Variants in MTIF2 observed in about 807,000 individuals in gnomAD.
The protein encoded by MTIF2 is mitochondrial translational initiation factor 2.
In MTIF2, 71 loss-of-function variants were observed where a neutral mutation model predicts 83.5. That is an observed-to-expected ratio of 0.85 (90% confidence interval 0.70 to 1.04). MTIF2 has a LOEUF of 1.04. Among genes scored for constraint, MTIF2 ranks in the 50% least tolerant of loss-of-function variants. The pLI, the probability that MTIF2 is intolerant of heterozygous loss-of-function variation, is 0.00. For synonymous variants in MTIF2, 319 were observed against 287.1 expected (o/e 1.11, Z -1.12); for missense variants, 957 against 846.5 (o/e 1.13, Z -1.62).
At chr2:55,243,273 A>G (rs1676454226) in intron 12 of MTIF2, 143 bp downstream of exon 12, 1 of 1,073,694 alleles carries the variant, frequency 9.3e-7, no homozygotes, top group Admixed American at 2.9e-5. Context: ...TTTACAACAA[A>G]ATCAGCAAGA....
chr2:55,249,386 C>A lies in MTIF2; in HGVS notation c.981+9G>T, dbSNP rs757486665. 1 of 1,613,338 alleles carries A rather than the reference C, an allele frequency of 6.2e-7. No homozygotes were observed. Among genetic ancestry groups the A allele is most frequent in the South Asian group, 1.1e-5 (1 of 90,964 alleles). On this transcript the variant is annotated intron_variant, in intron 9 of 15. Transcript: ENST00000263629. ...TCCAGGCATATTTATATGAGGTCCC[C>A]GCATTTACCGTAAGTGCGGAGACAG...
intron 5 of MTIF2, among the ~76,000 whole-genome samples, chr2:55,261,802 G>C (rs530696017): frequency 6.6e-6 from 1 of 151,798 alleles, no homozygotes; most frequent in African/African-American, 2.4e-5. Flanking sequence ...GCTGGGCATA[G>C]TGGCACATGC....
At chr2:55,262,000 A>G (rs547253256) in intron 5 of MTIF2, among the ~76,000 whole-genome samples, 20 of 152,008 alleles carry the variant, frequency 1.3e-4, no homozygotes, top group African/African-American at 3.8e-4. Context: ...GAGAAAGTAT[A>G]TAAGTATAGC....
intron 3 of MTIF2, among the ~76,000 whole-genome samples, chr2:55,265,175 C>T (rs1263268030): frequency 2.7e-5 from 4 of 147,954 alleles, no homozygotes; most frequent in Admixed American, 1.4e-4. Context: ...CCCGGGAGGT[C>T]GAGGTTGCAG....
In MTIF2 at chr2:55,244,752, T is replaced by TA. The variant is rs991157208; in HGVS notation, c.1107-520dup. On this transcript the variant is annotated intron_variant, in intron 10 of 15. Coordinates refer to ENST00000263629, the MANE Select transcript of MTIF2 (RefSeq NM_002453.3). ...CAACATAGCAGGACCCTATCTCAAT[T>TA]AAAAAAAAAATAGGCTAGGCACAGT... is the stretch of plus-strand genomic sequence containing the variant. 2.0e-3 allele frequency among the ~76,000 whole-genome samples: 303 copies of TA among 148,584 alleles called. 3 individuals carry two copies. Among genetic ancestry groups the TA allele is most frequent in the Non-Finnish European group, 4.3e-4 (29 of 66,772 alleles).
intron 15 of MTIF2, among the ~76,000 whole-genome samples, chr2:55,237,087 G>GGACTT (rs1332538876): frequency 6.6e-6 from 1 of 152,162 alleles, no homozygotes; most frequent in African/African-American, 2.4e-5. Flanking sequence ...ATGGTACTCA[G>GGACTT]GACTTGAATG....
Position 55,243,455 on chromosome 2 carries a change from T to C in MTIF2, c.1525A>G (p.Arg509Gly). ...EQIPLKPKEKRERDSNVLSVI... is the reference protein window; with the variant it reads ...EQIPLKPKEKGERDSNVLSVI... The stretch of plus-strand genomic sequence containing the variant: ...GAAAGTACATTTGAATCTCTTTCCC[T>C]TTTCTCTTTTGGCTTTAAGGGTATT... The change falls in exon 12 of 16, where the codon AGG (arginine) becomes GGG (glycine). Residue 509 changes from arginine to glycine, a missense_variant. Coordinates refer to ENST00000263629, the MANE Select transcript of MTIF2 (RefSeq NM_002453.3). 1 of 1,612,028 alleles carries C rather than the reference T, an allele frequency of 6.2e-7. No homozygotes were observed. The highest frequency in any genetic ancestry group is 8.5e-7 in the Non-Finnish European group (1 of 1,178,710).
At chr2:55,237,160 C>T in intron 15 of MTIF2, 128 bp downstream of exon 15, 1 of 1,098,970 alleles carries the variant, frequency 9.1e-7, no homozygotes, top group Non-Finnish European at 1.3e-6. Flanking sequence ...TTAGGGGTTT[C>T]AATAGCAATA....
At chr2:55,250,184 A>C (rs2104375438) in intron 8 of MTIF2, among the ~76,000 whole-genome samples, 1 of 152,274 alleles carries the variant, frequency 6.6e-6, no homozygotes, top group South Asian at 2.1e-4. Context: ...AAATCCCGGC[A>C]TACTCAAGTC....
chr2:55,246,421 A>G lies in MTIF2; in HGVS notation c.1022T>C (p.Leu341Pro). Reference protein sequence around the residue: ...LMALAEATVALAEMLELKADP... With the variant: ...LMALAEATVAPAEMLELKADP... ...TGCTTTCAATTCTAACATTTCTGCA[A>G]GAGCAACTGTTGCTTCTGCCAAAGC... Residue 341 changes from leucine (L) to proline (P), a missense_variant, in exon 10 of 16, where the codon CTT becomes CCT. Transcript: ENST00000263629. The G allele has an allele frequency of 6.2e-7, 1 of 1,613,774 alleles. No individual in the cohort carries two copies. The highest frequency in any genetic ancestry group is 8.5e-7 in the Non-Finnish European group (1 of 1,179,722).
At chr2:55,263,131 G>A (rs1436145588) in intron 4 of MTIF2, among the ~76,000 whole-genome samples, 1 of 152,182 alleles carries the variant, frequency 6.6e-6, no homozygotes, top group Non-Finnish European at 1.5e-5. Context: ...AAAGTGCTGG[G>A]ATTACAGGCG....
At chr2:55,237,159 T>TTATTG (rs1195444129) in intron 15 of MTIF2, 129 bp downstream of exon 15, 2 of 1,091,156 alleles carry the variant, frequency 1.8e-6, no homozygotes, top group African/African-American at 3.2e-5. Flanking sequence ...TTTAGGGGTT[T>TTATTG]CAATAGCAAT....
rs369058033 is a variant in MTIF2, at chr2:55,262,379, C to T, written c.268G>A (p.Val90Met). ...GTCATTCCAATCCATACTTCTACCA[C>T]CTTTTTAGATTTTGTTGAAGATAAC... ...SQLSSTKSKKVVEVWIGMTIE... is the reference protein window; with the variant it reads ...SQLSSTKSKKMVEVWIGMTIE... The change falls in exon 5 of 16, where the codon GTG becomes ATG. Residue 90 changes from valine to methionine, a missense_variant. By Grantham distance (21) the Val-to-Met change is conservative. This residue lies in a region of MTIF2 where 733 missense variants were observed against 648.7 expected (regional missense o/e 1.13). Transcript: ENST00000263629. 5 of 1,613,668 alleles carry T rather than the reference C, an allele frequency of 3.1e-6. No homozygotes were observed. Among genetic ancestry groups the T allele is most frequent in the Non-Finnish European group, 4.2e-6 (5 of 1,179,882 alleles).
Position 55,246,431 on chromosome 2 carries a change from T to C in MTIF2, c.1012A>G (p.Thr338Ala). ...TCTAACATTTCTGCAAGAGCAACTG[T>C]TGCTTCTGCCAAAGCCATCAGATTA... Reference protein sequence around the residue: ...GDNLMALAEATVALAEMLELK... With the variant: ...GDNLMALAEAAVALAEMLELK... The change falls in exon 10 of 16, where the codon ACA becomes GCA. Residue 338 changes from threonine (T) to alanine (A), a missense_variant. Thr to Ala is a moderately conservative substitution (Grantham distance 58). Around this residue, in one of 3 missense-constraint regions of MTIF2, gnomAD observed 733 missense variants for 648.7 expected, o/e 1.13. Coordinates refer to ENST00000263629, the MANE Select transcript of MTIF2 (RefSeq NM_002453.3). 1.2e-6 allele frequency: 2 copies of C among 1,613,896 alleles called. No homozygotes were observed. The highest frequency in any genetic ancestry group is 1.7e-4 in the Middle Eastern group (1 of 6,060).
chr2:55,242,283 G>A (rs975228788), intron 13 of MTIF2, among the ~76,000 whole-genome samples: 1 of 152,138 alleles, frequency 6.6e-6, no homozygotes, highest in East Asian at 1.9e-4. Context: ...CTTTTCAGTA[G>A]TAGAGGTGAT....
chr2:55,262,421 CTTCTTCCT>C lies in MTIF2; in HGVS notation c.220-2_225del. The C allele has an allele frequency of 6.2e-7, 1 of 1,600,458 alleles. No homozygotes were observed. Among genetic ancestry groups the C allele is most frequent in the Non-Finnish European group, 8.5e-7 (1 of 1,173,196 alleles). ...GAAGATAACTGAGATTTCCATGGTC[CTTCTTCCT>C]ATTAAAAAAATCAGAACATATAAAC... On this transcript the variant is annotated splice_acceptor_variant and coding_sequence_variant, in exon 5 of 16. Coordinates refer to ENST00000263629, the MANE Select transcript of MTIF2 (RefSeq NM_002453.3). LOFTEE classifies it high-confidence loss of function.
At position 55,252,629 on chromosome 2, in the gene MTIF2, A is replaced by G. The variant is rs201059519; in HGVS notation, c.689T>C (p.Ile230Thr). The G allele has an allele frequency of 6.2e-7, 1 of 1,613,440 alleles. No homozygotes were observed. The highest frequency in any genetic ancestry group is 8.5e-7 in the Non-Finnish European group (1 of 1,179,658). Reference sequence around the variant, plus strand: ...ATGTCCTGGAGTATCAAGAAAAGTTATCTTTTCCCCAGAAGGCAGAGAGAC... The same window carrying G: ...ATGTCCTGGAGTATCAAGAAAAGTTGTCTTTTCCCCAGAAGGCAGAGAGAC... ...FLVSLPSGEKITFLDTPGHAA... is the reference protein window; with the variant it reads ...FLVSLPSGEKTTFLDTPGHAA... The change falls in exon 8 of 16, where the codon ATA becomes ACA. Residue 230 changes from isoleucine to threonine, a missense_variant. Coordinates refer to ENST00000263629, the MANE Select transcript of MTIF2 (RefSeq NM_002453.3).
Position 55,267,567 on chromosome 2 carries a change from ACT to A in MTIF2, c.-8_-8+1del, listed in dbSNP as rs1678533324. 1 of 166,382 alleles carries A rather than the reference ACT, an allele frequency of 6.0e-6. No individual in the cohort carries two copies. Among genetic ancestry groups the A allele is most frequent in the Non-Finnish European group, 1.5e-5 (1 of 68,092 alleles). The allele number at this position is 166,382 out of a possible 1,614,324, so 10.3% of individuals were successfully genotyped here. A position where few individuals can be genotyped will look rare whatever the true frequency, so the allele number is the denominator to read the frequency against. ...ACAAAGGAACCTTAGGTGGACACTC[ACT>A]CTGACAGTCAGTGTTATCTGGACTC... On this transcript the variant is annotated splice_donor_variant and 5_prime_UTR_variant, in exon 3 of 16. Transcript: ENST00000263629. LOFTEE classifies it low-confidence loss of function (5UTR_SPLICE).
chr2:55,262,221 A>G, intron 5 of MTIF2, 95 bp downstream of exon 5: 2 of 820,904 alleles, frequency 2.4e-6, no homozygotes, highest in Non-Finnish European at 2.1e-6. Flanking sequence ...GTGCCAGTCT[A>G]GTTTTTAATC....
Sources: allele counts gnomAD v4.1 joint callset (sites outside exome capture counted in the v4.1 genomes callset), GRCh38; gene constraint gnomAD v4.1.1; regional missense constraint gnomAD v4.1.1; transcripts MANE v1.5; gene names NCBI Gene and HGNC (gene_info 2026-07-23, HGNC 2026-07-21).